REL: variants seen among roughly 807,000 people sequenced by gnomAD.
REL encodes proto-oncogene c-Rel.
A neutral mutation model predicts 45.9 loss-of-function variants in REL; 15 were observed. That is an observed-to-expected ratio of 0.33 (90% CI 0.22 to 0.50). The LOEUF is 0.50. Among genes scored for constraint, REL ranks in the 20% least tolerant of loss-of-function variants. The pLI is 0.98. For missense variants in REL, 601 were observed against 715.2 expected (o/e 0.84, Z 1.82); for synonymous variants, 239 against 242.1 (o/e 0.99, Z 0.12).
chr2:60,927,968 C>T lies in REL; in HGVS notation c.*5433C>T, dbSNP rs116418775. The T allele has an allele frequency of 3.2e-4, 69 of 212,776 alleles. No individual in the cohort carries two copies. Among genetic ancestry groups the T allele is most frequent in the Non-Finnish European group, 5.4e-4 (57 of 105,144 alleles). The allele number at this position is 212,776 out of a possible 1,614,324, so 13.2% of individuals were successfully genotyped here. Reference sequence around the variant, plus strand: ...TGAACAGAAACAGCTGGGTTGTCAACGTCTAACCTAATACTTCAGGAAAAC... The same window carrying T: ...TGAACAGAAACAGCTGGGTTGTCAATGTCTAACCTAATACTTCAGGAAAAC... On this transcript the variant is annotated 3_prime_UTR_variant, in exon 10 of 10. Coordinates refer to ENST00000394479, the MANE Select transcript of REL (RefSeq NM_001291746.2).
At chr2:60,920,443 C>T (rs1674108898) in intron 8 of REL, 131 bp from the exon 9 acceptor site, 1 of 722,894 alleles carries the variant, frequency 1.4e-6, no homozygotes, top group Admixed American at 2.3e-5. Flanking sequence ...TCAGGTGATC[C>T]ACCCACCTTG....
At chr2:60,912,348 G>A (rs143152612) in intron 4 of REL, among the ~76,000 whole-genome samples, 81 of 152,134 alleles carry the variant, frequency 5.3e-4, no homozygotes, top group African/African-American at 1.9e-3. Flanking sequence ...TATTGCAAGC[G>A]TTTTGGTCTT....
rs1366698697 is a variant in REL at position 60,923,117 on chromosome 2, A to G, written c.*582A>G. ...ATGTTTTAATGTATTCTTAAATTTC[A>G]AGCAAATTTAAGATAAAACTTGTAA... On this transcript the variant is annotated 3_prime_UTR_variant, in exon 10 of 10. Coordinates refer to ENST00000394479, the MANE Select transcript of REL (RefSeq NM_001291746.2). 1.1e-5 allele frequency: 2 copies of G among 184,980 alleles called. No individual in the cohort carries two copies. Among genetic ancestry groups the G allele is most frequent in the Non-Finnish European group, 2.3e-5 (2 of 87,398 alleles). 11.5% of individuals were successfully genotyped at this position (184,980 alleles called of 1,614,324 possible).
chr2:60,900,694 T>C (rs1380943037), intron 3 of REL: 1 of 258,626 alleles, frequency 3.9e-6, no homozygotes, highest in Non-Finnish European at 7.4e-6. Context: ...TGGCTAATTT[T>C]GTATTTTTAG....
Position 60,928,976 on chromosome 2 carries a change from A to C in REL, c.*6441A>C, listed in dbSNP as rs1295438821. 2 of 149,558 alleles carry C rather than the reference A, an allele frequency of 1.3e-5. No homozygotes were observed. The highest frequency in any genetic ancestry group is 3.9e-4 in the East Asian group (2 of 5,168). 9.3% of individuals were successfully genotyped at this position (149,558 alleles called of 1,614,324 possible). ...CTACAATGAACTCAAACAAATTTACAAGAAAAAAACAACCCCATCAAAAAG... is the reference window on the plus strand; with the variant it reads ...CTACAATGAACTCAAACAAATTTACCAGAAAAAAACAACCCCATCAAAAAG... On this transcript the variant is annotated 3_prime_UTR_variant, in exon 10 of 10. Coordinates refer to ENST00000394479, the MANE Select transcript of REL (RefSeq NM_001291746.2).
Position 60,918,557 on chromosome 2 carries a change from C to T in REL, c.804C>T (p.Asp268=), listed in dbSNP as rs991629291. ...AAATGCAGTTGCGGAGACCTTCTGA[C>T]CAGGAAGTTAGTGAATCTATGGATT... The part of the protein sequence containing the change: ...TVKMQLRRPS[D]QEVSESMDFR... Residue 268 remains aspartate (D), a synonymous_variant, in exon 7 of 10, where the codon GAC becomes GAT. Transcript: ENST00000394479. The T allele has an allele frequency of 3.6e-5, 58 of 1,613,760 alleles. No homozygotes were observed. The highest frequency in any genetic ancestry group is 4.8e-5 in the Non-Finnish European group (57 of 1,179,910).
intron 7 of REL, among the ~76,000 whole-genome samples, chr2:60,919,169 C>G (rs1674062779): frequency 6.6e-6 from 1 of 152,136 alleles, no homozygotes; most frequent in Admixed American, 6.5e-5. Context: ...TCTTATCAAA[C>G]CTTATTGCAT....
chr2:60,891,652 A>T (rs758573723), intron 1 of REL, 31 bp from the exon 2 acceptor site: 2 of 1,556,506 alleles, frequency 1.3e-6, no homozygotes, highest in Non-Finnish European at 1.7e-6. Flanking sequence ...TATTAATCTC[A>T]CTGACCTCCT....
chr2:60,894,566 A>G (rs1342322749), intron 3 of REL, 21 bp downstream of exon 3: 1 of 1,528,466 alleles, frequency 6.5e-7, no homozygotes, highest in Non-Finnish European at 8.8e-7. Context: ...AGTTACAGAC[A>G]TCTTCAGAAA....
chr2:60,887,843 A>T (rs1474527518), intron 1 of REL, among the ~76,000 whole-genome samples: 1 of 151,526 alleles, frequency 6.6e-6, no homozygotes, highest in East Asian at 1.9e-4. Flanking sequence ...TTCAACAACT[A>T]CTTTTCTGTT....
At chr2:60,881,903 G>C (rs1194211304) in intron 1 of REL, 53 bp downstream of exon 1, 1 of 1,317,534 alleles carries the variant, frequency 7.6e-7, no homozygotes, top group East Asian at 3.0e-5. Context: ...CTCTTCTGAA[G>C]GGGGTCCTGC....
intron 1 of REL, among the ~76,000 whole-genome samples, chr2:60,886,894 G>A (rs1673085490): frequency 6.6e-6 from 1 of 152,076 alleles, no homozygotes; most frequent in Admixed American, 6.6e-5. Context: ...ATGTATATTA[G>A]CCTTTTAAAA....
chr2:60,915,301 A>G (rs1443239877), intron 4 of REL, among the ~76,000 whole-genome samples: 1 of 152,234 alleles, frequency 6.6e-6, no homozygotes, highest in East Asian at 1.9e-4. Flanking sequence ...AGAGACACTA[A>G]TATCTTGAAT....
chr2:60,917,712 G>A (rs529873864), intron 5 of REL, among the ~76,000 whole-genome samples: 5 of 138,548 alleles, frequency 3.6e-5, no homozygotes, highest in Non-Finnish European at 8.2e-5. Context: ...GTGTGTGTGT[G>A]TGTACGTGTG....
intron 4 of REL, among the ~76,000 whole-genome samples, chr2:60,904,428 G>A (rs1048248889): frequency 6.6e-6 from 1 of 151,136 alleles, no homozygotes; most frequent in African/African-American, 2.4e-5. Flanking sequence ...AAAATTAGCC[G>A]GGCGTGGTGG....
In REL at chr2:60,924,126, C is replaced by G. The variant is rs1046396932; in HGVS notation, c.*1591C>G. The G allele has an allele frequency of 2.0e-4, 47 of 231,342 alleles. No homozygotes were observed. Among genetic ancestry groups the G allele is most frequent in the African/African-American group, 9.3e-4 (42 of 45,248 alleles). 14.3% of individuals were successfully genotyped at this position (231,342 alleles called of 1,614,324 possible). A position where few individuals can be genotyped will look rare whatever the true frequency, so the allele number is the denominator to read the frequency against. ...CAGAAAAATGCATAGTTCACTCTTA[C>G]ATCCTTCAGGTGTCACTCCACTGTT... On this transcript the variant is annotated 3_prime_UTR_variant, in exon 10 of 10. Coordinates refer to ENST00000394479, the MANE Select transcript of REL (RefSeq NM_001291746.2).
At chr2:60,904,541 A>C (rs1673589842) in intron 4 of REL, among the ~76,000 whole-genome samples, 1 of 151,810 alleles carries the variant, frequency 6.6e-6, no homozygotes, top group South Asian at 2.1e-4. Context: ...ATTGGACTCC[A>C]ACCTGGGCAA....
intron 4 of REL, among the ~76,000 whole-genome samples, chr2:60,907,293 T>A (rs1444661946): frequency 2.0e-5 from 3 of 152,142 alleles, no homozygotes; most frequent in Non-Finnish European, 4.4e-5. Context: ...AATCATGAAA[T>A]TCTGGAGGAT....
In REL at chr2:60,924,008, C is replaced by T. The variant is rs900535921; in HGVS notation, c.*1473C>T. On this transcript the variant is annotated 3_prime_UTR_variant, in exon 10 of 10. Coordinates refer to ENST00000394479, the MANE Select transcript of REL (RefSeq NM_001291746.2). ...TCCCACCTCCTCATGCAGCTCCAGG[C>T]ACCTTGGCCTCAGTGCTCCTCAAAG... The T allele has an allele frequency of 2.6e-5, 6 of 232,974 alleles. No individual in the cohort carries two copies. The highest frequency in any genetic ancestry group is 1.1e-4 in the African/African-American group (5 of 45,306). The allele number at this position is 232,974 out of a possible 1,614,324, so 14.4% of individuals were successfully genotyped here. A position where few individuals can be genotyped will look rare whatever the true frequency, so the allele number is the denominator to read the frequency against.
Sources: allele counts gnomAD v4.1 joint callset (sites outside exome capture counted in the v4.1 genomes callset), GRCh38; gene constraint gnomAD v4.1.1; transcripts MANE v1.5; gene names NCBI Gene and HGNC (gene_info 2026-07-23, HGNC 2026-07-21).